SKI: variants seen among roughly 807,000 people sequenced by gnomAD.
The protein encoded by SKI is SKI proto-oncogene, also known as ski oncogene.
Under a neutral mutation model 59.3 loss-of-function variants are expected in SKI, and 23 were observed. That is an observed-to-expected ratio of 0.39 (90% CI 0.28 to 0.55). SKI has a LOEUF of 0.55. Ranked by LOEUF, SKI falls within the 20% of genes least tolerant of loss-of-function variation. SKI has a pLI of 0.67. For missense variants in SKI, 1,017 were observed against 1,038.9 expected (o/e 0.98, Z 0.29); for synonymous variants, 673 against 488.6 (o/e 1.38, Z -4.98).
chr1:2,234,921 A>AGGG (rs935670140), intron 1 of SKI, among the ~76,000 whole-genome samples: 1 of 151,824 alleles, frequency 6.6e-6, no homozygotes, highest in Non-Finnish European at 1.5e-5. Context: ...GGTGTCATGG[A>AGGG]GGGGGGGCTG....
Position 2,229,447 on chromosome 1 carries a change from G to T in SKI, c.681G>T (p.Lys227Asn). 1 of 1,612,236 alleles carries T rather than the reference G, an allele frequency of 6.2e-7. No homozygotes were observed. Among genetic ancestry groups the T allele is most frequent in the Non-Finnish European group, 8.5e-7 (1 of 1,179,818 alleles). ...SVRVYHECFG[K>N]CKGLLVPELY... is the part of the protein sequence containing the mutation. ...GCGTGTACCACGAGTGCTTCGGCAA[G>T]TGTAAGGGGCTGCTGGTGCCCGAGC... The change falls in exon 1 of 7, where the codon AAG becomes AAT. Residue 227 changes from lysine to asparagine, a missense_variant. Lys to Asn is a moderately conservative substitution (Grantham distance 94). Coordinates refer to ENST00000378536, the MANE Select transcript of SKI (RefSeq NM_003036.4). This position sits in a 1 kb window ranked among gnomAD's most constrained non-coding sequence, Gnocchi z 6.3.
chr1:2,271,721 G>T (rs937286036), intron 1 of SKI, among the ~76,000 whole-genome samples: 6 of 151,622 alleles, frequency 4.0e-5, no homozygotes, highest in Admixed American at 6.6e-5. Context: ...GGTCCCCTGG[G>T]GGGGGGTAGG....
intron 1 of SKI, among the ~76,000 whole-genome samples, chr1:2,286,759 C>T (rs186948458): frequency 3.3e-5 from 5 of 152,244 alleles, no homozygotes; most frequent in African/African-American, 4.8e-5. Flanking sequence ...CCCAAGGCTC[C>T]GGTCGTGGGC....
At chr1:2,258,827 G>T (rs1275381816) in intron 1 of SKI, among the ~76,000 whole-genome samples, 1 of 152,170 alleles carries the variant, frequency 6.6e-6, no homozygotes, top group Non-Finnish European at 1.5e-5. Flanking sequence ...GATTACAGGC[G>T]TGAGCCACCG....
At chr1:2,306,509 G>T (rs1464265781) in intron 6 of SKI, 68 bp from the exon 7 acceptor site, 26 of 1,466,562 alleles carry the variant, frequency 1.8e-5, no homozygotes, top group East Asian at 2.5e-5. Context: ...AGCCTCGGGT[G>T]GGGGAAGCAG....
intron 1 of SKI, among the ~76,000 whole-genome samples, chr1:2,258,042 C>T (rs537770337): frequency 1.3e-5 from 2 of 152,178 alleles, no homozygotes; most frequent in Non-Finnish European, 2.9e-5. Context: ...CCAGCCTGCA[C>T]AACATTTTAA....
intron 1 of SKI, among the ~76,000 whole-genome samples, chr1:2,256,196 C>T (rs1207244674): frequency 6.6e-6 from 1 of 151,364 alleles, no homozygotes; most frequent in Non-Finnish European, 1.5e-5. Context: ...GTCCTGACCT[C>T]ATTTCCTGTC....
chr1:2,285,087 G>T (rs747526201), intron 1 of SKI, among the ~76,000 whole-genome samples: 14 of 152,302 alleles, frequency 9.2e-5, no homozygotes, highest in Non-Finnish European at 1.5e-4. Context: ...TCAGAGTCTG[G>T]GTTGGAGATA....
intron 1 of SKI, among the ~76,000 whole-genome samples, chr1:2,239,628 C>T (rs751851755): frequency 1.4e-4 from 21 of 152,378 alleles, no homozygotes; most frequent in Non-Finnish European, 7.3e-5. Context: ...AAGGGCCGGT[C>T]CTGGTGGCGG....
intron 1 of SKI, among the ~76,000 whole-genome samples, chr1:2,280,536 C>T (rs150818971): frequency 1.5e-3 from 232 of 152,218 alleles, no homozygotes; most frequent in Non-Finnish European, 2.6e-3. Flanking sequence ...CCCTTACCCG[C>T]CACACACCTT....
chr1:2,236,634 TGA>T (rs1638754745), intron 1 of SKI, among the ~76,000 whole-genome samples: 1 of 152,210 alleles, frequency 6.6e-6, no homozygotes, highest in Non-Finnish European at 1.5e-5. Flanking sequence ...CTCCATCTCC[TGA>T]CCTCTTGATC....
rs1396386992 is a variant in SKI at position 2,306,124 on chromosome 1, G to A, written c.1872G>A (p.Glu624=). Residue 624 remains glutamate, a synonymous_variant, in exon 6 of 7, where the codon GAG becomes GAA. Transcript: ENST00000378536. ...KEIERLRAEN[E]KKMKEANESR... ...TCGAGCGTCTCCGCGCCGAGAACGA[G>A]AAGAAGATGAAAGAGGCCAACGAGT... The A allele has an allele frequency of 6.3e-7, 1 of 1,598,106 alleles. No homozygotes were observed. The highest frequency in any genetic ancestry group is 1.1e-5 in the South Asian group (1 of 88,362).
In SKI at chr1:2,270,645, C is replaced by T. The variant is rs932362288; in HGVS notation, c.970-32333C>T. Among the ~76,000 whole-genome samples, 1 of 152,060 alleles carries T rather than the reference C, an allele frequency of 6.6e-6. No individual in the cohort carries two copies. Among genetic ancestry groups the T allele is most frequent in the Non-Finnish European group, 1.5e-5 (1 of 67,902 alleles). ...CACGGCCTTTCTCTGGGTGTCTGAACCCAAGGTGAAAAGTTCAGGCTGTCC... is the reference window on the plus strand; with the variant it reads ...CACGGCCTTTCTCTGGGTGTCTGAATCCAAGGTGAAAAGTTCAGGCTGTCC... On this transcript the variant is annotated intron_variant, in intron 1 of 6. Transcript: ENST00000378536. The surrounding 1 kb of genome is among the most constrained non-coding windows in gnomAD (Gnocchi z 4.1).
chr1:2,242,966 T>C (rs1023448081), intron 1 of SKI, among the ~76,000 whole-genome samples: 1 of 152,256 alleles, frequency 6.6e-6, no homozygotes, highest in Non-Finnish European at 1.5e-5. Flanking sequence ...CAGCACGGTA[T>C]TCACATAGCA....
intron 1 of SKI, among the ~76,000 whole-genome samples, chr1:2,266,797 G>A (rs1201547122): frequency 2.0e-5 from 3 of 152,156 alleles, no homozygotes; most frequent in African/African-American, 7.2e-5. Context: ...CACAGCGGCC[G>A]GATATCTGTA....
chr1:2,282,770 C>T (rs778600854), intron 1 of SKI, among the ~76,000 whole-genome samples: 2 of 152,132 alleles, frequency 1.3e-5, no homozygotes, highest in South Asian at 2.1e-4. Context: ...CCAGGGACAC[C>T]GGCTCTCGGG....
Position 2,308,721 on chromosome 1 carries a change from T to TGA in SKI, c.*1958_*1959dup, listed in dbSNP as rs1469216271. ...TGTGTCGCCAGGTCGAAGATCACAG[T>TGA]GAGGTAGAGGCCCTGCCCCATCCCC... On this transcript the variant is annotated 3_prime_UTR_variant, in exon 7 of 7. Transcript: ENST00000378536. 5 of 152,096 alleles carry TGA rather than the reference T, an allele frequency of 3.3e-5. No individual in the cohort carries two copies. The highest frequency in any genetic ancestry group is 7.4e-5 in the Non-Finnish European group (5 of 68,020). The allele number at this position is 152,096 out of a possible 1,614,324, so 9.4% of individuals were successfully genotyped here.
chr1:2,293,397 G>A (rs12743493), intron 1 of SKI, among the ~76,000 whole-genome samples: 59,480 of 150,842 alleles, frequency 0.39, 11,965 homozygotes, highest in African/African-American at 0.46. Flanking sequence ...TGCGGATGTC[G>A]CTTCTCTGAA....
intron 1 of SKI, among the ~76,000 whole-genome samples, chr1:2,230,715 ACTTTT>A (rs1638616280): frequency 6.6e-6 from 1 of 152,130 alleles, no homozygotes; most frequent in Admixed American, 6.5e-5. Flanking sequence ...AGTATTTGTA[ACTTTT>A]CTTTTAAATA....
Sources: gnomAD v4.1 joint callset for allele counts (sites outside exome capture counted in the v4.1 genomes callset) on GRCh38, gnomAD v4.1.1 for gene constraint, Gnocchi (gnomAD v3.1) non-coding constraint, MANE v1.5 for transcripts, NCBI Gene and HGNC (gene_info 2026-07-23, HGNC 2026-07-21) for gene names.